THSD7A: variants seen among roughly 807,000 people sequenced by gnomAD.
THSD7A encodes the protein thrombospondin type 1 domain containing 7A.
A neutral mutation model predicts 231.3 loss-of-function variants in THSD7A; 96 were observed. That is an observed-to-expected ratio of 0.41 (90% CI 0.35 to 0.49). The LOEUF (loss-of-function observed/expected upper bound fraction) is 0.49. Among genes scored for constraint, THSD7A ranks in the 20% least tolerant of loss-of-function variants. The probability of loss-of-function intolerance (pLI) is 0.05; values close to 1 mark genes in which losing one functional copy is unlikely to be tolerated. For missense variants in THSD7A, 2,290 were observed against 2,070.2 expected, an observed-to-expected ratio of 1.11 and a Z score of -2.06; for synonymous variants, 940 against 743.3, an observed-to-expected ratio of 1.26 and a Z score of -4.30.
At chr7:11,500,280 G>A (rs1015765231) in intron 6 of THSD7A, among the ~76,000 whole-genome samples, 2 of 152,268 alleles carry the variant, frequency 1.3e-5, no homozygotes, top group East Asian at 1.9e-4. Flanking sequence ...CAAATGTTGA[G>A]GGACTTCATT....
intron 1 of THSD7A, among the ~76,000 whole-genome samples, chr7:11,641,319 T>G (rs777159786): frequency 6.6e-6 from 1 of 152,136 alleles, no homozygotes; most frequent in Non-Finnish European, 1.5e-5. Context: ...GATAAATTGC[T>G]TCAATAATTT....
rs116819408 is a variant in THSD7A at position 11,534,396 on chromosome 7, G to A, written c.1822+7023C>T. 6.8e-3 allele frequency among the ~76,000 whole-genome samples: 1,036 copies of A among 152,224 alleles called. 18 individuals carry two copies. Among genetic ancestry groups the A allele is most frequent in the African/African-American group, 0.024 (988 of 41,532 alleles). ...TTTTGCTTGGTCCTCTTGAAGTTATGCCAAAAGCCACCATATAAAAAGAAG... is the reference window on the plus strand; with the variant it reads ...TTTTGCTTGGTCCTCTTGAAGTTATACCAAAAGCCACCATATAAAAAGAAG... On this transcript the variant is annotated intron_variant, in intron 6 of 27. Transcript: ENST00000423059.
At position 11,371,114 on chromosome 7, in the gene THSD7A, G is replaced by T. The variant is rs1331739745; in HGVS notation, c.*4680C>A. ...CTGCCCATTTTTAAGATCTGACTTG[G>T]TAGAAACACAGAAAAATAAAAATGC... On this transcript the variant is annotated 3_prime_UTR_variant, in exon 28 of 28. Coordinates refer to ENST00000423059, the MANE Select transcript of THSD7A (RefSeq NM_015204.3). The T allele has an allele frequency of 6.6e-6, 1 of 152,098 alleles. No individual in the cohort carries two copies. Among genetic ancestry groups the T allele is most frequent in the Non-Finnish European group, 1.5e-5 (1 of 68,018 alleles). The allele number at this position is 152,098 out of a possible 1,614,324, so 9.4% of individuals were successfully genotyped here. A position where few individuals can be genotyped will look rare whatever the true frequency, so the allele number is the denominator to read the frequency against.
chr7:11,452,585 C>A (rs1785179560), intron 11 of THSD7A, among the ~76,000 whole-genome samples: 3 of 151,894 alleles, frequency 2.0e-5, no homozygotes, highest in Admixed American at 2.0e-4. Flanking sequence ...TAATCAGTTC[C>A]CAGTGGAGTA....
chr7:11,446,125 G>A lies in THSD7A; in HGVS notation c.3000C>T (p.Tyr1000=). The A allele has an allele frequency of 6.2e-7, 1 of 1,613,392 alleles. No individual in the cohort carries two copies. Among genetic ancestry groups the A allele is most frequent in the Non-Finnish European group, 8.5e-7 (1 of 1,179,582 alleles). ...DIKECGQGYR[Y]QAMACYDQNG... ...TTTGATCGTAGCATGCCATTGCTTG[G>A]TAACGATATCCTTGTCCGCATTCCT... Residue 1000 remains tyrosine, a synonymous_variant, in exon 13 of 28, where the codon TAC becomes TAT. Coordinates refer to ENST00000423059, the MANE Select transcript of THSD7A (RefSeq NM_015204.3). The surrounding 1 kb of genome is among the most constrained non-coding windows in gnomAD (Gnocchi z 4.0).
chr7:11,546,573 G>A (rs1789409836), intron 4 of THSD7A, among the ~76,000 whole-genome samples: 1 of 152,184 alleles, frequency 6.6e-6, no homozygotes, highest in Non-Finnish European at 1.5e-5. Context: ...ACATTCAACA[G>A]ACAGCAGTTT....
At chr7:11,579,734 A>T (rs1283363668) in intron 4 of THSD7A, among the ~76,000 whole-genome samples, 3 of 152,196 alleles carry the variant, frequency 2.0e-5, no homozygotes, top group Admixed American at 1.3e-4. Context: ...AAGAATGTAG[A>T]AAAGACTAAT....
chr7:11,393,237 C>T (rs1783053187), intron 23 of THSD7A, among the ~76,000 whole-genome samples: 1 of 152,168 alleles, frequency 6.6e-6, no homozygotes, highest in Admixed American at 6.5e-5. Context: ...TGGTGATATC[C>T]AGGCAAACAG....
At chr7:11,580,995 A>T (rs1405629242) in intron 4 of THSD7A, among the ~76,000 whole-genome samples, 1 of 152,166 alleles carries the variant, frequency 6.6e-6, no homozygotes, top group Non-Finnish European at 1.5e-5. Flanking sequence ...TGAATGAAAG[A>T]ATAATAAGTG....
intron 2 of THSD7A, among the ~76,000 whole-genome samples, chr7:11,624,702 A>T (rs6971939): frequency 0.014 from 2,175 of 152,230 alleles, 48 homozygotes; most frequent in African/African-American, 0.049. Context: ...ACCAAGTATG[A>T]ACTCTACATT....
chr7:11,805,242 G>C (rs575192054), intron 1 of THSD7A, among the ~76,000 whole-genome samples: 1 of 152,124 alleles, frequency 6.6e-6, no homozygotes, highest in Non-Finnish European at 1.5e-5. Context: ...TTCCAAAGGA[G>C]AGTTGAAGGA....
rs1785210963 is a variant in THSD7A at position 11,831,930 on chromosome 7, C to A, written c.17G>T (p.Arg6Met). MGLQA[R>M]RWASGSRGAA... ...GCCCCGGCTCCCGGACGCCCAGCGC[C>A]TGGCTTGCAGCCCCATGCCGCCTGC... is the stretch of plus-strand genomic sequence containing the variant. The change falls in exon 1 of 28, where the codon AGG becomes ATG. Residue 6 changes from arginine (R) to methionine (M), a missense_variant. Physicochemically the swap from Arg to Met is moderately conservative, Grantham distance 91. Transcript: ENST00000423059. This position sits in a 1 kb window ranked among gnomAD's most constrained non-coding sequence, Gnocchi z 5.0. The A allele has an allele frequency of 8.1e-7, 1 of 1,235,588 alleles. No homozygotes were observed. The highest frequency in any genetic ancestry group is 1.0e-6 in the Non-Finnish European group (1 of 992,750). The allele number at this position is 1,235,588 out of a possible 1,614,324, so 76.5% of individuals were successfully genotyped here.
chr7:11,563,855 A>C (rs984660805), intron 4 of THSD7A, among the ~76,000 whole-genome samples: 1 of 152,200 alleles, frequency 6.6e-6, no homozygotes, highest in Non-Finnish European at 1.5e-5. Context: ...GCTTGATCAT[A>C]GATCGCATCC....
At chr7:11,643,065 G>A (rs1234430747) in intron 1 of THSD7A, among the ~76,000 whole-genome samples, 1 of 152,036 alleles carries the variant, frequency 6.6e-6, no homozygotes, top group Middle Eastern at 3.2e-3. Context: ...CACCATAAAA[G>A]GAGCATGAGA....
intron 2 of THSD7A, among the ~76,000 whole-genome samples, chr7:11,606,650 A>C (rs1780743428): frequency 6.9e-6 from 1 of 144,940 alleles, no homozygotes; most frequent in African/African-American, 2.4e-5. Context: ...GATACAAATA[A>C]ATTTAATAAT....
chr7:11,675,727 T>C (rs1285246471), intron 1 of THSD7A, among the ~76,000 whole-genome samples: 2 of 152,218 alleles, frequency 1.3e-5, no homozygotes, highest in Admixed American at 1.3e-4. Context: ...TCCTTCTCTC[T>C]GGGCAGGGCA....
intron 1 of THSD7A, among the ~76,000 whole-genome samples, chr7:11,721,828 G>C (rs7777843): frequency 0.65 from 98,000 of 151,742 alleles, 32,648 homozygotes; most frequent in African/African-American, 0.82. Flanking sequence ...AATTCATATA[G>C]TATTCCAGGC....
At chr7:11,654,130 T>C (rs1019043768) in intron 1 of THSD7A, among the ~76,000 whole-genome samples, 1 of 152,024 alleles carries the variant, frequency 6.6e-6, no homozygotes, top group Admixed American at 6.6e-5. Context: ...GGGTTGAGGA[T>C]TGTATAGTTT....
intron 4 of THSD7A, among the ~76,000 whole-genome samples, chr7:11,582,837 T>C (rs887240579): frequency 3.3e-5 from 5 of 152,178 alleles, no homozygotes; most frequent in Non-Finnish European, 7.4e-5. Context: ...TTTGTAGTTG[T>C]TGAGCTGAAA....
Sources: gnomAD v4.1 joint callset for allele counts (sites outside exome capture counted in the v4.1 genomes callset) on GRCh38, gnomAD v4.1.1 for gene constraint, Gnocchi (gnomAD v3.1) non-coding constraint, MANE v1.5 for transcripts, NCBI Gene and HGNC (gene_info 2026-07-23, HGNC 2026-07-21) for gene names.